Variants in TMEM132B observed in about 807,000 individuals in gnomAD.
The protein encoded by TMEM132B is transmembrane protein 132B.
In TMEM132B, 18 loss-of-function variants were observed where a neutral mutation model predicts 90.8. That is an observed-to-expected ratio of 0.20 (90% CI 0.14 to 0.29). The LOEUF is 0.29. Ranked by LOEUF, TMEM132B falls within the 10% of genes least tolerant of loss-of-function variation. The pLI is 1.00. For synonymous variants in TMEM132B, 504 were observed against 523.3 expected, an observed-to-expected ratio of 0.96 and a Z score of 0.50; for missense variants, 1,096 against 1,326.8, an observed-to-expected ratio of 0.83 and a Z score of 2.70.
chr12:125,371,485 C>T (rs1342587252), intron 2 of TMEM132B, among the ~76,000 whole-genome samples: 1 of 152,090 alleles, frequency 6.6e-6, no homozygotes, highest in Non-Finnish European at 1.5e-5. Context: ...GCTCAGAGTC[C>T]CAGTGGTAAT....
At chr12:125,266,116 C>G (rs537208895) in intron 1 of TMEM132B, among the ~76,000 whole-genome samples, 2 of 152,058 alleles carry the variant, frequency 1.3e-5, no homozygotes, top group African/African-American at 2.4e-5. Flanking sequence ...GTGATCCCAG[C>G]TACTAGGGAG....
chr12:125,418,203 G>T (rs979736397), intron 3 of TMEM132B, among the ~76,000 whole-genome samples: 3 of 152,048 alleles, frequency 2.0e-5, no homozygotes, highest in South Asian at 4.1e-4. Context: ...GAGCAACCTG[G>T]GCCACGGCTA....
chr12:125,465,302 G>A (rs767696408), intron 3 of TMEM132B, among the ~76,000 whole-genome samples: 1 of 152,262 alleles, frequency 6.6e-6, no homozygotes, highest in Non-Finnish European at 1.5e-5. Flanking sequence ...TTTTCAGTAA[G>A]GTCCAATGAT....
intron 3 of TMEM132B, among the ~76,000 whole-genome samples, chr12:125,462,143 TGTG>T (rs1473923473): frequency 6.6e-6 from 1 of 152,134 alleles, no homozygotes; most frequent in East Asian, 1.9e-4. Flanking sequence ...CCAAAGGAAA[TGTG>T]GTGTACTGTT....
In TMEM132B at chr12:125,355,855, C is replaced by T. The variant is rs988140806; in HGVS notation, c.959+5512C>T. On this transcript the variant is annotated intron_variant, in intron 2 of 8. Coordinates refer to ENST00000682704, the MANE Select transcript of TMEM132B (RefSeq NM_001366854.1). ...TGCCATGCTGCTATTTCAGACTGCA[C>T]ATTGTAGAGGGGCCCGTCTGAACAA... 7.9e-5 allele frequency among the ~76,000 whole-genome samples: 12 copies of T among 152,280 alleles called. No individual in the cohort carries two copies. In the East Asian group the frequency reaches 2.3e-3, roughly 29 times the overall value.
At chr12:125,249,916 C>T (rs1229711052) in intron 1 of TMEM132B, among the ~76,000 whole-genome samples, 1 of 152,250 alleles carries the variant, frequency 6.6e-6, no homozygotes, top group Non-Finnish European at 1.5e-5. Flanking sequence ...CACCTTTGCC[C>T]TGAATTAGTG....
chr12:125,575,613 T>C (rs184924338), intron 4 of TMEM132B, among the ~76,000 whole-genome samples: 4 of 152,236 alleles, frequency 2.6e-5, no homozygotes, highest in Non-Finnish European at 5.9e-5. Context: ...GCTTTAGGTG[T>C]CATATCTAAG....
intron 5 of TMEM132B, among the ~76,000 whole-genome samples, chr12:125,628,766 A>G (rs567301610): frequency 1.3e-5 from 2 of 152,250 alleles, no homozygotes; most frequent in Admixed American, 1.3e-4. Flanking sequence ...TTCTTGCAGT[A>G]GTTTCATAGT....
intron 2 of TMEM132B, among the ~76,000 whole-genome samples, chr12:125,405,345 T>C (rs1879438553): frequency 6.6e-6 from 1 of 152,170 alleles, no homozygotes; most frequent in Non-Finnish European, 1.5e-5. Context: ...ACACCACTCA[T>C]TGGATTTACA....
At chr12:125,229,551 A>G (rs374504200) in intron 1 of TMEM132B, among the ~76,000 whole-genome samples, 2 of 152,228 alleles carry the variant, frequency 1.3e-5, no homozygotes, top group African/African-American at 2.4e-5. Flanking sequence ...CTGTGCATCA[A>G]TGTATCTATC....
intron 2 of TMEM132B, among the ~76,000 whole-genome samples, chr12:125,375,401 C>T (rs1264698441): frequency 6.6e-6 from 1 of 152,132 alleles, no homozygotes; most frequent in Non-Finnish European, 1.5e-5. Flanking sequence ...CAGTGATTCC[C>T]CAGGTGACAG....
At chr12:125,342,754 C>T (rs1877227191) in intron 1 of TMEM132B, among the ~76,000 whole-genome samples, 1 of 152,128 alleles carries the variant, frequency 6.6e-6, no homozygotes, top group African/African-American at 2.4e-5. Flanking sequence ...GCAGGGCTGC[C>T]CAGCTTGAGG....
chr12:125,298,613 G>T (rs1875730038), intron 1 of TMEM132B, among the ~76,000 whole-genome samples: 1 of 140,314 alleles, frequency 7.1e-6, no homozygotes, highest in South Asian at 2.4e-4. Context: ...GGCAGAGTTT[G>T]CAGTGAGCCG....
chr12:125,258,290 C>T (rs1471462511), intron 1 of TMEM132B, among the ~76,000 whole-genome samples: 4 of 152,162 alleles, frequency 2.6e-5, no homozygotes, highest in African/African-American at 9.7e-5. Context: ...TTCTCAGGTT[C>T]TATGAGTTGG....
intron 5 of TMEM132B, among the ~76,000 whole-genome samples, chr12:125,637,032 T>C (rs995365204): frequency 1.3e-5 from 2 of 152,220 alleles, no homozygotes; most frequent in African/African-American, 4.8e-5. Context: ...TAATATATAT[T>C]TCTCCCTGAA....
intron 1 of TMEM132B, among the ~76,000 whole-genome samples, chr12:125,323,785 C>G (rs577026813): frequency 2.0e-4 from 30 of 152,298 alleles, no homozygotes; most frequent in Non-Finnish European, 4.3e-4. Context: ...TTCCAAAGTG[C>G]TAGGATTACA....
chr12:125,203,313 A>G (rs1233247656), intron 1 of TMEM132B, among the ~76,000 whole-genome samples: 1 of 152,202 alleles, frequency 6.6e-6, no homozygotes. Context: ...TGGAAAGCTG[A>G]ATGTCAAAGA....
At chr12:125,368,765 T>G (rs1878206553) in intron 2 of TMEM132B, among the ~76,000 whole-genome samples, 1 of 152,210 alleles carries the variant, frequency 6.6e-6, no homozygotes, top group African/African-American at 2.4e-5. Flanking sequence ...TTCCTGGGCT[T>G]TTAGGTAACA....
At chr12:125,422,891 T>C (rs1566031483) in intron 3 of TMEM132B, among the ~76,000 whole-genome samples, 1 of 152,148 alleles carries the variant, frequency 6.6e-6, no homozygotes, top group Non-Finnish European at 1.5e-5. Context: ...AGAATAAGTC[T>C]CTGTTGTTTT....
Sources: allele counts gnomAD v4.1 joint callset (sites outside exome capture counted in the v4.1 genomes callset), GRCh38; gene constraint gnomAD v4.1.1; transcripts MANE v1.5; gene names NCBI Gene and HGNC (gene_info 2026-07-23, HGNC 2026-07-21).